Variants in RAPGEF6 observed in about 807,000 individuals in gnomAD.
RAPGEF6 encodes the protein Rap guanine nucleotide exchange factor 6.
A neutral mutation model predicts 171.4 loss-of-function variants in RAPGEF6; 56 were observed. The ratio of observed to expected loss-of-function variants is 0.33; its 90% confidence interval spans 0.26 to 0.41. The LOEUF (loss-of-function observed/expected upper bound fraction) is 0.41. RAPGEF6 is among the 10% of genes least tolerant of loss of function. The pLI is 1.00. For synonymous variants in RAPGEF6, 692 were observed against 650.1 expected (o/e 1.06, Z -0.98); for missense variants, 1,674 against 1,921.4 (o/e 0.87, Z 2.41).
In RAPGEF6 at chr5:131,562,058, A is replaced by G; in HGVS notation, c.282-11T>C. On this transcript the variant is annotated splice_polypyrimidine_tract_variant and intron_variant, in intron 4 of 27. Coordinates refer to ENST00000509018, the MANE Select transcript of RAPGEF6 (RefSeq NM_016340.6). ...AACTGCTTACCAAAACTATAAAAAC[A>G]GAAAAACAATTTCTTTAGCAAAGGT... 6.5e-7 allele frequency: 1 copy of G among 1,534,420 alleles called. No homozygotes were observed. Among genetic ancestry groups the G allele is most frequent in the Non-Finnish European group, 8.8e-7 (1 of 1,131,242 alleles).
chr5:131,618,926 T>A (rs1414367305), intron 1 of RAPGEF6, among the ~76,000 whole-genome samples: 1 of 152,050 alleles, frequency 6.6e-6, no homozygotes, highest in South Asian at 2.1e-4. Context: ...CTATGCAGTT[T>A]CTCAACAAAA....
intron 27 of RAPGEF6, among the ~76,000 whole-genome samples, chr5:131,427,900 G>C (rs1366787573): frequency 6.6e-6 from 1 of 152,132 alleles, no homozygotes; most frequent in Non-Finnish European, 1.5e-5. Context: ...TTGAGTCCAG[G>C]AGTTCAAGAC....
At chr5:131,618,490 T>C (rs1433523591) in intron 1 of RAPGEF6, among the ~76,000 whole-genome samples, 3 of 151,506 alleles carry the variant, frequency 2.0e-5, no homozygotes, top group Non-Finnish European at 4.4e-5. Context: ...ATACAAAAAT[T>C]AGCCGGGTGT....
intron 5 of RAPGEF6, among the ~76,000 whole-genome samples, chr5:131,550,350 G>A (rs1760842936): frequency 6.6e-6 from 1 of 152,110 alleles, no homozygotes; most frequent in Non-Finnish European, 1.5e-5. Context: ...GATATTCAAA[G>A]CCATTATAAA....
At chr5:131,440,969 T>A (rs1321538136) in intron 23 of RAPGEF6, among the ~76,000 whole-genome samples, 1 of 152,188 alleles carries the variant, frequency 6.6e-6, no homozygotes, top group Non-Finnish European at 1.5e-5. Context: ...TTAGACCAGC[T>A]TTCCATCTGA....
chr5:131,508,197 C>T lies in RAPGEF6; in HGVS notation c.816G>A (p.Leu272=), dbSNP rs1450738657. 3.7e-6 allele frequency: 6 copies of T among 1,609,668 alleles called. No individual in the cohort carries two copies. Among genetic ancestry groups the T allele is most frequent in the African/African-American group, 2.7e-5 (2 of 74,630 alleles). The change falls in exon 9 of 28, where the codon CTG becomes CTA. Residue 272 remains leucine (L), a synonymous_variant. Coordinates refer to ENST00000509018, the MANE Select transcript of RAPGEF6 (RefSeq NM_016340.6). Reference sequence around the variant, plus strand: ...ATGCAGGGAGCTGGTGCATAAACTCCAGCAATTGTTCTATAAGAAAACAGA... The same window carrying T: ...ATGCAGGGAGCTGGTGCATAAACTCTAGCAATTGTTCTATAAGAAAACAGA... The part of the protein sequence containing the change: ...DKTDDDIEQL[L]EFMHQLPAFA...
intron 3 of RAPGEF6, among the ~76,000 whole-genome samples, chr5:131,593,751 A>G (rs891777269): frequency 1.3e-5 from 2 of 152,230 alleles, no homozygotes; most frequent in African/African-American, 4.8e-5. Flanking sequence ...TTAGAACTTG[A>G]GACATGATTT....
At chr5:131,600,393 G>C (rs959703553) in intron 3 of RAPGEF6, among the ~76,000 whole-genome samples, 9 of 152,042 alleles carry the variant, frequency 5.9e-5, no homozygotes, top group African/African-American at 1.9e-4. Context: ...GTGGTGGCAC[G>C]CGCCTGTAGT....
chr5:131,489,074 G>A (rs1178168099), intron 15 of RAPGEF6, among the ~76,000 whole-genome samples: 1 of 152,152 alleles, frequency 6.6e-6, no homozygotes, highest in Non-Finnish European at 1.5e-5. Flanking sequence ...TTAGAAATCT[G>A]TAATTCACTA....
chr5:131,426,429 C>T lies in RAPGEF6; in HGVS notation c.*837G>A, dbSNP rs1219413478. On this transcript the variant is annotated 3_prime_UTR_variant, in exon 28 of 28. Transcript: ENST00000509018. ...TACTTTCAGTTACAATTCGATGCAG[C>T]ATAACTTTCACTTAAGGAAGAATTT... 1 of 152,318 alleles carries T rather than the reference C, an allele frequency of 6.6e-6. No individual in the cohort carries two copies. The highest frequency in any genetic ancestry group is 1.5e-5 in the Non-Finnish European group (1 of 68,022). The allele number at this position is 152,318 out of a possible 1,614,324, so 9.4% of individuals were successfully genotyped here. A position where few individuals can be genotyped will look rare whatever the true frequency, so the allele number is the denominator to read the frequency against.
chr5:131,627,664 G>A (rs189740628), intron 1 of RAPGEF6, among the ~76,000 whole-genome samples: 5 of 152,142 alleles, frequency 3.3e-5, no homozygotes, highest in Non-Finnish European at 4.4e-5. Context: ...GCATAATGAC[G>A]CAAAGAAGTA....
At chr5:131,554,460 T>C (rs1161692768) in intron 5 of RAPGEF6, among the ~76,000 whole-genome samples, 3 of 152,206 alleles carry the variant, frequency 2.0e-5, no homozygotes, top group African/African-American at 4.8e-5. Flanking sequence ...AGGAATTACA[T>C]CTGGATACTA....
intron 4 of RAPGEF6, among the ~76,000 whole-genome samples, chr5:131,578,133 T>C (rs995983260): frequency 2.6e-5 from 4 of 152,190 alleles, no homozygotes; most frequent in South Asian, 4.1e-4. Context: ...TTGGAGTGGA[T>C]AGAAGATCTT....
At chr5:131,468,053 C>T (rs553655228) in intron 17 of RAPGEF6, among the ~76,000 whole-genome samples, 37 of 149,486 alleles carry the variant, frequency 2.5e-4, no homozygotes, top group African/African-American at 4.7e-4. Context: ...TGGGGTCGGG[C>T]GCAGTGGCTT....
At chr5:131,513,632 C>A (rs1230680219) in intron 7 of RAPGEF6, among the ~76,000 whole-genome samples, 2 of 152,102 alleles carry the variant, frequency 1.3e-5, no homozygotes, top group South Asian at 2.1e-4. Flanking sequence ...TGGGTTGGGA[C>A]TGAGAGAAGG....
chr5:131,552,661 A>G (rs769573680), intron 5 of RAPGEF6, among the ~76,000 whole-genome samples: 8 of 151,918 alleles, frequency 5.3e-5, no homozygotes, highest in Non-Finnish European at 7.4e-5. Context: ...GGGTTTCACC[A>G]TGTTGGCCAG....
At chr5:131,543,878 T>A (rs556266807) in intron 6 of RAPGEF6, among the ~76,000 whole-genome samples, 2 of 152,204 alleles carry the variant, frequency 1.3e-5, no homozygotes, top group Non-Finnish European at 2.9e-5. Context: ...CATTTAAATT[T>A]GTTGCAAACT....
At chr5:131,437,872 C>T (rs1010781321) in intron 24 of RAPGEF6, among the ~76,000 whole-genome samples, 1 of 152,054 alleles carries the variant, frequency 6.6e-6, no homozygotes, top group African/African-American at 2.4e-5. Context: ...ACACATGAGG[C>T]TTTATAAATA....
At chr5:131,460,657 T>C (rs1753857132) in intron 19 of RAPGEF6, among the ~76,000 whole-genome samples, 1 of 152,204 alleles carries the variant, frequency 6.6e-6, no homozygotes, top group African/African-American at 2.4e-5. Context: ...GACACATTGC[T>C]ACTATATGGG....
Sources: allele counts gnomAD v4.1 joint callset (sites outside exome capture counted in the v4.1 genomes callset), GRCh38; gene constraint gnomAD v4.1.1; transcripts MANE v1.5; gene names NCBI Gene and HGNC (gene_info 2026-07-23, HGNC 2026-07-21).